Variants in LRRC41 observed in about 807,000 individuals in gnomAD.
LRRC41 encodes the protein leucine-rich repeat-containing protein 41.
A neutral mutation model predicts 72.1 loss-of-function variants in LRRC41; 17 were observed. The ratio of observed to expected loss-of-function variants is 0.24; its 90% CI spans 0.16 to 0.35. The LOEUF (loss-of-function observed/expected upper bound fraction) is 0.35, where lower values mean the gene tolerates loss of function less well. Among genes scored for constraint, LRRC41 ranks in the 10% least tolerant of loss-of-function variants. The pLI, the probability that LRRC41 is intolerant of heterozygous loss-of-function variation, is 1.00. For missense variants in LRRC41, 759 were observed against 1,065.0 expected (o/e 0.71, Z 4.00); for synonymous variants, 427 against 431.0 (o/e 0.99, Z 0.11).
In LRRC41 at chr1:46,285,467, T is replaced by A. The variant is rs775925883; in HGVS notation, c.1390A>T (p.Thr464Ser). Residue 464 changes from threonine (T) to serine (S), a missense_variant, in exon 4 of 10, where the codon ACC (threonine) becomes TCC (serine). Thr to Ser is a moderately conservative substitution (Grantham distance 58). Transcript: ENST00000617190. This position sits in a 1 kb window ranked among gnomAD's most constrained non-coding sequence, Gnocchi z 5.3. Reference protein sequence around the residue: ...EASQRFRSISTLELFTVPLST... With the variant: ...EASQRFRSISSLELFTVPLST... Reference sequence around the variant, plus strand: ...AGTGGAACTGTGAATAGCTCCAAGGTGGAGATGCTGCGGAATCTTTGTGAA... The same window carrying A: ...AGTGGAACTGTGAATAGCTCCAAGGAGGAGATGCTGCGGAATCTTTGTGAA... 90 of 1,613,940 alleles carry A rather than the reference T, an allele frequency of 5.6e-5. No individual in the cohort carries two copies. Among genetic ancestry groups the A allele is most frequent in the Non-Finnish European group, 7.5e-5 (88 of 1,180,030 alleles).
At chr1:46,301,258 A>G (rs2148328068) in intron 1 of LRRC41, among the ~76,000 whole-genome samples, 1 of 152,060 alleles carries the variant, frequency 6.6e-6, no homozygotes, top group Middle Eastern at 3.4e-3. Context: ...TGCACCTTTA[A>G]TGCTGCTGCT....
intron 4 of LRRC41, among the ~76,000 whole-genome samples, chr1:46,283,843 T>G (rs937740736): frequency 1.1e-4 from 16 of 152,048 alleles, no homozygotes; most frequent in Admixed American, 9.8e-4. Flanking sequence ...TTTTTGTATT[T>G]TTAGTAGAGA....
chr1:46,301,882 C>T (rs760643956), intron 1 of LRRC41: 54 of 899,558 alleles, frequency 6.0e-5, no homozygotes, highest in Non-Finnish European at 7.0e-5. Flanking sequence ...CCAACTCCAA[C>T]CCCGGCCTCC....
At chr1:46,288,697 T>C (rs1660936074) in intron 3 of LRRC41, among the ~76,000 whole-genome samples, 1 of 152,232 alleles carries the variant, frequency 6.6e-6, no homozygotes, top group South Asian at 2.1e-4. Context: ...CCTGTTGCCT[T>C]AGCTATTTCC....
intron 4 of LRRC41, among the ~76,000 whole-genome samples, chr1:46,284,795 T>G (rs552200891): frequency 6.6e-6 from 1 of 152,282 alleles, no homozygotes; most frequent in East Asian, 1.9e-4. Context: ...CATACGAGGT[T>G]AGTGATCATA....
In LRRC41 at chr1:46,279,033, C is replaced by T. The variant is rs578210901; in HGVS notation, c.2271G>A (p.Glu757=). 5 of 1,611,778 alleles carry T rather than the reference C, an allele frequency of 3.1e-6. No individual in the cohort carries two copies. The highest frequency in any genetic ancestry group is 2.2e-5 in the East Asian group (1 of 44,852). ...DGLLEFAKRL[E]RWGRGAFGHL... Reference sequence around the variant, plus strand: ...GACCAAAGGCTCCACGGCCCCAGCGCTCCAGCCGCTTGGCGAACTCCAGAA... The same window carrying T: ...GACCAAAGGCTCCACGGCCCCAGCGTTCCAGCCGCTTGGCGAACTCCAGAA... The change falls in exon 10 of 10, where the codon GAG becomes GAA. Residue 757 remains glutamate (E), a synonymous_variant. Transcript: ENST00000617190. The surrounding 1 kb of genome is among the most constrained non-coding windows in gnomAD (Gnocchi z 4.5).
chr1:46,284,313 G>A (rs775798699), intron 4 of LRRC41: 1 of 152,228 alleles, frequency 6.6e-6, no homozygotes, highest in Admixed American at 6.5e-5. Context: ...TGAATCTGCA[G>A]TCTGGTTGCC....
intron 3 of LRRC41, among the ~76,000 whole-genome samples, chr1:46,290,630 T>C (rs988306634): frequency 1.3e-5 from 2 of 151,770 alleles, no homozygotes; most frequent in African/African-American, 4.8e-5. Context: ...TTTTTTTTTT[T>C]TCCTCTGTCG....
At chr1:46,295,099 G>A (rs532860130) in intron 3 of LRRC41, among the ~76,000 whole-genome samples, 33 of 151,990 alleles carry the variant, frequency 2.2e-4, no homozygotes, top group African/African-American at 7.2e-4. Flanking sequence ...CTCTCCTGTT[G>A]CCCAGGCTGG....
rs1210004172 is a variant in LRRC41 at position 46,286,820 on chromosome 1, A to T, written c.358-321T>A. 6.7e-6 allele frequency among the ~76,000 whole-genome samples: 1 copy of T among 149,720 alleles called. No homozygotes were observed. The highest frequency in any genetic ancestry group is 2.5e-5 in the African/African-American group (1 of 40,712). On this transcript the variant is annotated intron_variant, in intron 3 of 9. Coordinates refer to ENST00000617190, the MANE Select transcript of LRRC41 (RefSeq NM_006369.5). The surrounding 1 kb of genome is among the most constrained non-coding windows in gnomAD (Gnocchi z 5.5). ...TGTTTGTTTCTAGAACCTTATCCCAATTTTTTTTTTCTTTTTAAGATAGAG... is the reference window on the plus strand; with the variant it reads ...TGTTTGTTTCTAGAACCTTATCCCATTTTTTTTTTTCTTTTTAAGATAGAG...
chr1:46,283,558 T>C (rs984853371), intron 4 of LRRC41, among the ~76,000 whole-genome samples: 2 of 152,088 alleles, frequency 1.3e-5, no homozygotes, highest in African/African-American at 4.8e-5. Flanking sequence ...GGTCTGGAAG[T>C]TCAAGAGAAA....
rs928610075 is a variant in LRRC41 at position 46,278,741 on chromosome 1, A to G, written c.*124T>C. 5.0e-6 allele frequency: 5 copies of G among 991,766 alleles called. No individual in the cohort carries two copies. The highest frequency in any genetic ancestry group is 4.9e-5 in the African/African-American group (3 of 61,610). The allele number at this position is 991,766 out of a possible 1,614,324, so 61.4% of individuals were successfully genotyped here. A position where few individuals can be genotyped will look rare whatever the true frequency, so the allele number is the denominator to read the frequency against. On this transcript the variant is annotated 3_prime_UTR_variant, in exon 10 of 10. Transcript: ENST00000617190. ...AGGACCTCAGTGCAAGGGAAGAAGG[A>G]AAAAAGAGAAAAAAGGTGACAGAAA...
intron 4 of LRRC41, among the ~76,000 whole-genome samples, chr1:46,282,373 C>A (rs765745392): frequency 2.0e-5 from 3 of 152,246 alleles, no homozygotes; most frequent in Non-Finnish European, 4.4e-5. Flanking sequence ...CTTAATGCCA[C>A]AGGCAAATAA....
At chr1:46,290,238 T>C (rs1323282285) in intron 3 of LRRC41, among the ~76,000 whole-genome samples, 1 of 152,086 alleles carries the variant, frequency 6.6e-6, no homozygotes, top group East Asian at 1.9e-4. Context: ...CAAAACCCTA[T>C]CTCTACTAAA....
intron 3 of LRRC41, 38 bp downstream of exon 3, chr1:46,297,524 CA>C (rs1661148962): frequency 2.0e-6 from 3 of 1,527,270 alleles, no homozygotes; most frequent in Non-Finnish European, 2.7e-6. Flanking sequence ...TTTTACCATG[CA>C]AAATCAGGCT....
intron 3 of LRRC41, among the ~76,000 whole-genome samples, chr1:46,290,929 T>TTG (rs1557716708): frequency 2.1e-4 from 30 of 146,276 alleles, no homozygotes; most frequent in Non-Finnish European, 4.2e-4. Context: ...TTTTTTTTTT[T>TTG]TTTTTTTTTT....
chr1:46,278,645 T>C lies in LRRC41; in HGVS notation c.*220A>G. 1 of 612,314 alleles carries C rather than the reference T, an allele frequency of 1.6e-6. No individual in the cohort carries two copies. 37.9% of individuals were successfully genotyped at this position (612,314 alleles called of 1,614,324 possible). A position where few individuals can be genotyped will look rare whatever the true frequency, so the allele number is the denominator to read the frequency against. ...TCCTGGCCCAGGGTTCCCAGGATACTGAGTAAGGGGCCCAAAGACTATAAA... is the reference window on the plus strand; with the variant it reads ...TCCTGGCCCAGGGTTCCCAGGATACCGAGTAAGGGGCCCAAAGACTATAAA... On this transcript the variant is annotated 3_prime_UTR_variant, in exon 10 of 10. Coordinates refer to ENST00000617190, the MANE Select transcript of LRRC41 (RefSeq NM_006369.5).
intron 2 of LRRC41, 115 bp from the exon 3 acceptor site, chr1:46,297,748 A>T: frequency 1.4e-6 from 1 of 734,624 alleles, no homozygotes. Flanking sequence ...GATTAAGGGC[A>T]CTGGCTCTAA....
At chr1:46,288,783 G>C (rs1660938278) in intron 3 of LRRC41, among the ~76,000 whole-genome samples, 1 of 152,196 alleles carries the variant, frequency 6.6e-6, no homozygotes, top group African/African-American at 2.4e-5. Flanking sequence ...AACACAGAAA[G>C]GCCTTGCTCA....
Sources: allele counts gnomAD v4.1 joint callset (sites outside exome capture counted in the v4.1 genomes callset), GRCh38; gene constraint gnomAD v4.1.1; non-coding constraint Gnocchi (gnomAD v3.1); transcripts MANE v1.5; gene names NCBI Gene and HGNC (gene_info 2026-07-23, HGNC 2026-07-21).